ANK3: variants seen among roughly 807,000 people sequenced by gnomAD.
ANK3 encodes the protein ankyrin 3, also known as ankyrin-3.
Under a neutral mutation model 370.9 loss-of-function variants are expected in ANK3, and 57 were observed. That is an observed-to-expected ratio of 0.15 (90% CI 0.12 to 0.19). ANK3 has a LOEUF of 0.19. Among genes scored for constraint, ANK3 ranks in the 10% least tolerant of loss-of-function variants. The probability of loss-of-function intolerance (pLI) is 1.00; values close to 1 mark genes in which losing one functional copy is unlikely to be tolerated. For synonymous variants in ANK3, 1,929 were observed against 1,946.3 expected, an observed-to-expected ratio of 0.99 and a Z score of 0.23; for missense variants, 4,439 against 5,302.1, an observed-to-expected ratio of 0.84 and a Z score of 5.06.
chr10:60,622,380 G>A (rs1408196559), intron 1 of ANK3, among the ~76,000 whole-genome samples: 1 of 151,928 alleles, frequency 6.6e-6, no homozygotes, highest in Non-Finnish European at 1.5e-5. Flanking sequence ...GAGTATCTGA[G>A]ATTACAGGCA....
intron 1 of ANK3, among the ~76,000 whole-genome samples, chr10:60,619,064 C>T (rs1440054956): frequency 1.3e-5 from 2 of 152,172 alleles, no homozygotes; most frequent in African/African-American, 4.8e-5. Context: ...CTGCCCTCTT[C>T]TGGAAGAGCT....
At chr10:60,450,183 A>G (rs978950063) in intron 2 of ANK3, among the ~76,000 whole-genome samples, 2 of 152,126 alleles carry the variant, frequency 1.3e-5, no homozygotes, top group South Asian at 2.1e-4. Context: ...ATTTCCAGCT[A>G]CTTGAGAGGC....
At chr10:60,037,953 C>T (rs2075393296) in intron 43 of ANK3, among the ~76,000 whole-genome samples, 1 of 152,156 alleles carries the variant, frequency 6.6e-6, no homozygotes. Flanking sequence ...CTTGCCAGCA[C>T]CTGTTATTTT....
chr10:60,462,199 A>AC (rs34945807), intron 2 of ANK3, among the ~76,000 whole-genome samples: 4,300 of 152,162 alleles, frequency 0.028, 87 homozygotes, highest in South Asian at 0.073. Context: ...AAACAAACAA[A>AC]AAAAAAAGGT....
chr10:60,216,474 A>T (rs1183090239), intron 8 of ANK3, among the ~76,000 whole-genome samples: 2 of 152,174 alleles, frequency 1.3e-5, no homozygotes, highest in African/African-American at 4.8e-5. Context: ...TTTAACATGA[A>T]GGGATGTTGA....
intron 1 of ANK3, among the ~76,000 whole-genome samples, chr10:60,680,883 G>C (rs2079186429): frequency 1.3e-5 from 2 of 152,146 alleles, no homozygotes; most frequent in Admixed American, 1.3e-4. Context: ...TAGGAAAAAT[G>C]AGTAGTAACT....
chr10:60,657,478 T>A (rs2078880512), intron 1 of ANK3, among the ~76,000 whole-genome samples: 1 of 152,210 alleles, frequency 6.6e-6, no homozygotes, highest in South Asian at 2.1e-4. Context: ...TTCTTTGACC[T>A]ATGGTTAATT....
At chr10:60,177,593 C>CTTTTTTTTTTTTTTTT (rs771714886) in intron 18 of ANK3, among the ~76,000 whole-genome samples, 41 of 106,270 alleles carry the variant, frequency 3.9e-4, no homozygotes, top group Non-Finnish European at 5.2e-4. Context: ...GTCTTCAAAT[C>CTTTTTTTTTTTTTTTT]TTTTTTTTTT....
At chr10:60,676,851 A>G (rs1008139841) in intron 1 of ANK3, among the ~76,000 whole-genome samples, 1 of 152,198 alleles carries the variant, frequency 6.6e-6, no homozygotes, top group Non-Finnish European at 1.5e-5. Context: ...TACAGTTAAC[A>G]ATAATTTATT....
intron 28 of ANK3, among the ~76,000 whole-genome samples, chr10:60,104,175 T>C (rs760494137): frequency 6.6e-6 from 1 of 151,378 alleles, no homozygotes; most frequent in Non-Finnish European, 1.5e-5. Context: ...AATAAACACC[T>C]GCAATACAAG....
At chr10:60,395,406 T>C (rs2063196718) in intron 2 of ANK3, among the ~76,000 whole-genome samples, 1 of 152,262 alleles carries the variant, frequency 6.6e-6, no homozygotes, top group Middle Eastern at 3.4e-3. Context: ...TGACTTACAC[T>C]CCATTCCTAC....
chr10:60,248,089 C>T (rs1252416860), intron 7 of ANK3, among the ~76,000 whole-genome samples: 2 of 152,230 alleles, frequency 1.3e-5, no homozygotes. Context: ...ATCTGTTGGA[C>T]TCGGCTTGCC....
chr10:60,180,547 G>A (rs1416455825), intron 18 of ANK3, among the ~76,000 whole-genome samples: 1 of 130,036 alleles, frequency 7.7e-6, no homozygotes, highest in South Asian at 2.5e-4. Context: ...AGTGAGCCGA[G>A]GTCAAGCCAC....
chr10:60,695,089 G>C (rs566028859), intron 1 of ANK3, among the ~76,000 whole-genome samples: 194 of 150,120 alleles, frequency 1.3e-3, no homozygotes, highest in African/African-American at 4.5e-3. Context: ...AAAGGCAGGG[G>C]TTGCAATCCT....
chr10:60,388,548 A>G (rs2062743713), intron 1 of ANK3, among the ~76,000 whole-genome samples: 1 of 152,188 alleles, frequency 6.6e-6, no homozygotes, highest in Non-Finnish European at 1.5e-5. Context: ...ATCATGGAGG[A>G]AAAGTGCTTT....
chr10:60,053,922 C>T (rs1391712158), intron 42 of ANK3, among the ~76,000 whole-genome samples: 1 of 152,130 alleles, frequency 6.6e-6, no homozygotes, highest in African/African-American at 2.4e-5. Flanking sequence ...AGTCTTTCTG[C>T]ATTATAATAG....
chr10:60,050,826 T>A (rs2077811530), intron 42 of ANK3: 1 of 152,180 alleles, frequency 6.6e-6, no homozygotes, highest in Non-Finnish European at 1.5e-5. Context: ...ATTTTCCTTT[T>A]TTTTTTAAAT....
chr10:60,212,460 G>A (rs1164017624), intron 9 of ANK3, among the ~76,000 whole-genome samples: 1 of 152,064 alleles, frequency 6.6e-6, no homozygotes, highest in Non-Finnish European at 1.5e-5. Flanking sequence ...TATGTAAAAG[G>A]AAAAGAACAA....
chr10:60,410,550 A>G (rs2063538134), intron 2 of ANK3, among the ~76,000 whole-genome samples: 4 of 152,186 alleles, frequency 2.6e-5, no homozygotes, highest in Non-Finnish European at 5.9e-5. Context: ...GAGACTGGCT[A>G]GATATTTTTC....
Sources: gnomAD v4.1 joint callset for allele counts (sites outside exome capture counted in the v4.1 genomes callset) on GRCh38, gnomAD v4.1.1 for gene constraint, MANE v1.5 for transcripts, NCBI Gene and HGNC (gene_info 2026-07-23, HGNC 2026-07-21) for gene names.